FILIP1L: variants seen among roughly 807,000 people sequenced by gnomAD.
FILIP1L encodes filamin A-interacting protein 1-like.
FILIP1L carries 55 observed loss-of-function variants against 96.6 expected under a neutral mutation model. The observed-to-expected ratio is 0.57, with a 90% confidence interval of 0.46 to 0.71. The LOEUF is 0.71. Among genes scored for constraint, FILIP1L ranks in the 30% least tolerant of loss-of-function variants. FILIP1L has a pLI of 0.00. For synonymous variants in FILIP1L, 467 were observed against 473.9 expected (o/e 0.99, Z 0.19); for missense variants, 1,304 against 1,321.2 (o/e 0.99, Z 0.20).
At chr3:99,895,346 C>T (rs557260519) in intron 4 of FILIP1L, among the ~76,000 whole-genome samples, 1 of 150,486 alleles carries the variant, frequency 6.6e-6, no homozygotes, top group Non-Finnish European at 1.5e-5. Flanking sequence ...CAGTTGGTCT[C>T]ATATATTTAG....
Position 100,052,052 on chromosome 3 carries a change from A to G in FILIP1L, c.-11+62001T>C, listed in dbSNP as rs955105252. On this transcript the variant is annotated intron_variant, in intron 1 of 5. Transcript: ENST00000477258. Reference sequence around the variant, plus strand: ...TTACCAACTCACCCTTAAATGATCTATATTATTATGTCATATGTGTTATTT... The same window carrying G: ...TTACCAACTCACCCTTAAATGATCTGTATTATTATGTCATATGTGTTATTT... 9.3e-4 allele frequency among the ~76,000 whole-genome samples: 142 copies of G among 152,096 alleles called. 1 individual carries two copies. The highest frequency in any genetic ancestry group is 3.0e-3 in the African/African-American group (126 of 41,532).
intron 4 of FILIP1L, chr3:99,898,256 T>A (rs1311051638): frequency 1.3e-5 from 2 of 152,202 alleles, no homozygotes; most frequent in Non-Finnish European, 2.9e-5. Context: ...TTTTTAGAGC[T>A]GTATTGTAGG....
At chr3:100,108,176 G>T (rs994276417) in intron 1 of FILIP1L, among the ~76,000 whole-genome samples, 8 of 151,998 alleles carry the variant, frequency 5.3e-5, no homozygotes, top group African/African-American at 1.7e-4. Flanking sequence ...TTCTTAATTC[G>T]GTCCAGGGAA....
chr3:100,020,953 G>T (rs529478552), intron 1 of FILIP1L, among the ~76,000 whole-genome samples: 1 of 151,874 alleles, frequency 6.6e-6, no homozygotes, highest in African/African-American at 2.4e-5. Flanking sequence ...TTTTTAGTAG[G>T]GACAGGGTTT....
chr3:99,969,942 A>G (rs1317313495), intron 1 of FILIP1L, among the ~76,000 whole-genome samples: 1 of 152,226 alleles, frequency 6.6e-6, no homozygotes, highest in African/African-American at 2.4e-5. Context: ...AGATAATTGG[A>G]TAATATGAAA....
At chr3:99,917,178 C>T (rs1706979898) in intron 4 of FILIP1L, among the ~76,000 whole-genome samples, 1 of 152,152 alleles carries the variant, frequency 6.6e-6, no homozygotes, top group South Asian at 2.1e-4. Flanking sequence ...CTGCATTCTC[C>T]TAGGGCTGTG....
chr3:99,991,819 T>C (rs1709518126), intron 1 of FILIP1L, among the ~76,000 whole-genome samples: 1 of 91,638 alleles, frequency 1.1e-5, no homozygotes, highest in Non-Finnish European at 2.2e-5. Flanking sequence ...TATTCCATGG[T>C]GTGTGTATAT....
intron 1 of FILIP1L, among the ~76,000 whole-genome samples, chr3:100,014,381 TG>T (rs1710257210): frequency 6.6e-6 from 1 of 152,104 alleles, no homozygotes; most frequent in Non-Finnish European, 1.5e-5. Context: ...TTGCATTATA[TG>T]GTAGTTCTAT....
At chr3:100,003,275 T>C (rs1274941214) in intron 1 of FILIP1L, among the ~76,000 whole-genome samples, 1 of 152,200 alleles carries the variant, frequency 6.6e-6, no homozygotes, top group African/African-American at 2.4e-5. Context: ...AGTTACACAT[T>C]GACTCAGTCA....
chr3:100,027,735 A>G (rs1433179251), intron 1 of FILIP1L, among the ~76,000 whole-genome samples: 2 of 152,214 alleles, frequency 1.3e-5, no homozygotes, highest in African/African-American at 4.8e-5. Flanking sequence ...ACACATTTGA[A>G]CAGTTTGACT....
intron 4 of FILIP1L, among the ~76,000 whole-genome samples, chr3:99,859,492 T>G (rs1944135599): frequency 6.6e-6 from 1 of 152,244 alleles, no homozygotes; most frequent in African/African-American, 2.4e-5. Context: ...GCTAGTTTAA[T>G]ACATTACTTT....
At chr3:99,985,755 G>A (rs1003711963) in intron 1 of FILIP1L, among the ~76,000 whole-genome samples, 1 of 151,980 alleles carries the variant, frequency 6.6e-6, no homozygotes, top group Non-Finnish European at 1.5e-5. Context: ...TGCCCAGCTG[G>A]TTTTTGTATT....
chr3:100,011,528 A>G (rs1710156635), intron 1 of FILIP1L, among the ~76,000 whole-genome samples: 1 of 152,196 alleles, frequency 6.6e-6, no homozygotes, highest in African/African-American at 2.4e-5. Flanking sequence ...TATAAACTAA[A>G]TACCTGACAA....
intron 1 of FILIP1L, among the ~76,000 whole-genome samples, chr3:100,061,673 A>G (rs1044449853): frequency 5.3e-5 from 8 of 152,230 alleles, no homozygotes; most frequent in Admixed American, 5.2e-4. Context: ...TGCTTTACAC[A>G]TATGAATTCA....
At chr3:100,045,331 G>C (rs569246304) in intron 1 of FILIP1L, among the ~76,000 whole-genome samples, 48 of 152,304 alleles carry the variant, frequency 3.2e-4, no homozygotes, top group African/African-American at 1.2e-3. Context: ...CTATGTCTAG[G>C]AAAATCTCAC....
At chr3:100,104,426 T>C (rs1296693236) in intron 1 of FILIP1L, among the ~76,000 whole-genome samples, 2 of 152,218 alleles carry the variant, frequency 1.3e-5, no homozygotes, top group Non-Finnish European at 2.9e-5. Context: ...CACACTTTGT[T>C]TGAGATACTC....
At chr3:99,864,512 C>T (rs1297203577) in intron 4 of FILIP1L, among the ~76,000 whole-genome samples, 1 of 152,164 alleles carries the variant, frequency 6.6e-6, no homozygotes, top group Non-Finnish European at 1.5e-5. Flanking sequence ...AATTCACTGG[C>T]TGCGAAGTCT....
In FILIP1L at chr3:99,930,875, G is replaced by A. The variant is rs369515957; in HGVS notation, c.146C>T (p.Pro49Leu). The change falls in exon 2 of 6, where the codon CCG becomes CTG. Residue 49 changes from proline (P) to leucine (L), a missense_variant. Transcript: ENST00000477258. ...DSPSESDVIL[P>L]CPKAEKPHSG... Reference sequence around the variant, plus strand: ...GTGTGGCTTCTCTGCCTTGGGACACGGAAGTATTACATCCGACTCACTGGG... The same window carrying A: ...GTGTGGCTTCTCTGCCTTGGGACACAGAAGTATTACATCCGACTCACTGGG... 6.0e-5 allele frequency: 97 copies of A among 1,612,860 alleles called. No homozygotes were observed. In the African/African-American group the frequency reaches 9.2e-4, roughly 15 times the overall value.
chr3:100,110,432 A>G (rs146398297), intron 1 of FILIP1L, among the ~76,000 whole-genome samples: 12 of 152,182 alleles, frequency 7.9e-5, no homozygotes, highest in Middle Eastern at 3.4e-3. Context: ...CTGCATTCCA[A>G]TTTCCTAGTC....
Sources: gnomAD v4.1 joint callset for allele counts (sites outside exome capture counted in the v4.1 genomes callset) on GRCh38, gnomAD v4.1.1 for gene constraint, MANE v1.5 for transcripts, NCBI Gene and HGNC (gene_info 2026-07-23, HGNC 2026-07-21) for gene names.